OR9Q1: variants seen among roughly 807,000 people sequenced by gnomAD.
OR9Q1 encodes olfactory receptor family 9 subfamily Q member 1, also known as olfactory receptor 9Q1.
For missense variants in OR9Q1, 374 were observed against 378.8 expected, an observed-to-expected ratio of 0.99 and a Z score of 0.11; for synonymous variants, 153 against 148.6, an observed-to-expected ratio of 1.03 and a Z score of -0.22.
chr11:58,126,569 A>G (rs1489487971), intron 2 of OR9Q1, among the ~76,000 whole-genome samples: 1 of 152,208 alleles, frequency 6.6e-6, no homozygotes, highest in East Asian at 1.9e-4. Context: ...GCCAGTTGAT[A>G]CAAGAATATA....
At chr11:58,112,292 C>CAAAAAAAAAAAAAAAAAAAAAAAAAAAAA (rs761960271) in intron 2 of OR9Q1, among the ~76,000 whole-genome samples, 3 of 111,710 alleles carry the variant, frequency 2.7e-5, no homozygotes, top group Admixed American at 8.9e-5. Context: ...GACTTCGTCT[C>CAAAAAAAAAAAAAAAAAAAAAAAAAAAAA]AAAGAAAAAA....
At chr11:58,075,643 G>A (rs1381039771) in intron 2 of OR9Q1, among the ~76,000 whole-genome samples, 1 of 152,188 alleles carries the variant, frequency 6.6e-6, no homozygotes, top group Admixed American at 6.5e-5. Context: ...ACAAGAAAGT[G>A]GGCCTTCACC....
chr11:58,105,144 A>G (rs140197042), intron 2 of OR9Q1, among the ~76,000 whole-genome samples: 1 of 151,842 alleles, frequency 6.6e-6, no homozygotes, highest in East Asian at 1.9e-4. Context: ...CACTTTTATT[A>G]TAAATTCTAT....
At chr11:58,156,691 T>C (rs184680451) in intron 2 of OR9Q1, among the ~76,000 whole-genome samples, 136 of 152,356 alleles carry the variant, frequency 8.9e-4, no homozygotes, top group Admixed American at 3.0e-3. Context: ...CACAGATATA[T>C]TGGAGACAAG....
At chr11:58,164,166 G>A (rs1022853551) in intron 2 of OR9Q1, among the ~76,000 whole-genome samples, 1 of 152,024 alleles carries the variant, frequency 6.6e-6, no homozygotes, top group Non-Finnish European at 1.5e-5. Context: ...GGGGGGATGC[G>A]CATGTAGGGA....
chr11:58,150,930 C>T (rs1024741126), intron 2 of OR9Q1, among the ~76,000 whole-genome samples: 13 of 152,060 alleles, frequency 8.5e-5, no homozygotes, highest in African/African-American at 3.1e-4. Context: ...CCCCTGAAGA[C>T]CTTCTAGTAA....
At chr11:58,046,598 A>G (rs770030152) in intron 1 of OR9Q1, among the ~76,000 whole-genome samples, 2 of 152,192 alleles carry the variant, frequency 1.3e-5, no homozygotes, top group African/African-American at 2.4e-5. Flanking sequence ...GTGGTGGCTC[A>G]CACCTGTAAT....
chr11:58,129,605 G>A (rs767680136), intron 2 of OR9Q1, among the ~76,000 whole-genome samples: 1 of 152,112 alleles, frequency 6.6e-6, no homozygotes, highest in Non-Finnish European at 1.5e-5. Flanking sequence ...TGGCCTCAGA[G>A]CCTTTGGATT....
chr11:58,176,407 C>T (rs928171870), intron 2 of OR9Q1, among the ~76,000 whole-genome samples: 4 of 152,138 alleles, frequency 2.6e-5, no homozygotes, highest in Non-Finnish European at 5.9e-5. Flanking sequence ...ATTGCCTTTC[C>T]TTAGAGAACA....
intron 1 of OR9Q1, 35 bp downstream of exon 1, chr11:58,024,139 CG>C (rs1852947248): frequency 6.6e-6 from 1 of 152,244 alleles, no homozygotes; most frequent in South Asian, 2.1e-4. Flanking sequence ...ATTTCAGAGA[CG>C]GTGCTGTTAA....
chr11:58,076,598 G>A (rs2120031597), intron 2 of OR9Q1, among the ~76,000 whole-genome samples: 1 of 152,266 alleles, frequency 6.6e-6, no homozygotes, highest in East Asian at 1.9e-4. Context: ...GTGAGATAAT[G>A]ACAGAACTTT....
chr11:58,100,313 C>T (rs1590589668), intron 2 of OR9Q1, among the ~76,000 whole-genome samples: 1 of 152,146 alleles, frequency 6.6e-6, no homozygotes, highest in East Asian at 1.9e-4. Flanking sequence ...AACACATACC[C>T]TTAATTTATT....
chr11:58,144,908 C>T (rs149612381), intron 2 of OR9Q1: 282 of 152,664 alleles, frequency 1.8e-3, no homozygotes, highest in East Asian at 5.6e-3. Context: ...ACCCGCCTGG[C>T]GCTGCTGGCC....
chr11:58,028,147 A>G (rs1852993704), intron 1 of OR9Q1, among the ~76,000 whole-genome samples: 2 of 151,922 alleles, frequency 1.3e-5, no homozygotes, highest in South Asian at 4.2e-4. Context: ...CCCAGGGTGG[A>G]TGCTGGGGGC....
intron 1 of OR9Q1, among the ~76,000 whole-genome samples, chr11:58,035,347 G>A (rs1012940669): frequency 2.0e-5 from 3 of 152,074 alleles, no homozygotes; most frequent in Non-Finnish European, 2.9e-5. Context: ...TTTTTCATGT[G>A]GTCCATGCAC....
intron 2 of OR9Q1, among the ~76,000 whole-genome samples, chr11:58,112,292 C>CAAAAAAAA (rs761960271): frequency 1.8e-5 from 2 of 111,712 alleles, no homozygotes; most frequent in African/African-American, 5.8e-5. Context: ...GACTTCGTCT[C>CAAAAAAAA]AAAGAAAAAA....
At chr11:58,157,603 T>C (rs1225371307) in intron 2 of OR9Q1, among the ~76,000 whole-genome samples, 1 of 151,600 alleles carries the variant, frequency 6.6e-6, no homozygotes, top group Non-Finnish European at 1.5e-5. Context: ...GATTATGGAG[T>C]GGTTGAGGTA....
At chr11:58,060,708 C>T (rs1853372636) in intron 2 of OR9Q1, among the ~76,000 whole-genome samples, 1 of 152,142 alleles carries the variant, frequency 6.6e-6, no homozygotes, top group South Asian at 2.1e-4. Flanking sequence ...TGTGGTGGCT[C>T]ATGCTTGTAA....
At chr11:58,041,129 T>G (rs1853157704) in intron 1 of OR9Q1, 1 of 152,330 alleles carries the variant, frequency 6.6e-6, no homozygotes, top group African/African-American at 2.4e-5. Context: ...TTATCACACT[T>G]TACAGTCACT....
Sources: allele counts gnomAD v4.1 joint callset (sites outside exome capture counted in the v4.1 genomes callset), GRCh38; gene constraint gnomAD v4.1.1; transcripts MANE v1.5; gene names NCBI Gene and HGNC (gene_info 2026-07-23, HGNC 2026-07-21).